The following CDKL3 variants were observed in gnomAD, a reference collection of about 807,000 sequenced individuals.
CDKL3 encodes cyclin-dependent kinase-like 3.
CDKL3 carries 65 observed loss-of-function variants against 69.3 expected under a neutral mutation model. The ratio of observed to expected loss-of-function variants is 0.94; its 90% CI spans 0.77 to 1.15. The LOEUF (loss-of-function observed/expected upper bound fraction) is 1.15. Ranked by LOEUF, CDKL3 falls within the 50% of genes most tolerant of loss-of-function variation. The pLI, the probability that CDKL3 is intolerant of heterozygous loss-of-function variation, is 0.00. For missense variants in CDKL3, 652 were observed against 689.2 expected (o/e 0.95, Z 0.61); for synonymous variants, 202 against 221.6 (o/e 0.91, Z 0.79).
At chr5:134,297,586 C>CT (rs921544838), downstream of CDKL3, among the ~76,000 whole-genome samples, 92 of 143,948 alleles carry the variant, frequency 6.4e-4, no homozygotes, top group Admixed American at 1.5e-3. Flanking sequence ...TTTTTTCTTT[C>CT]TTTTTTTTTT....
chr5:134,371,303 T>C, upstream of CDKL3: 1 of 537,618 alleles, frequency 1.9e-6, no homozygotes, highest in Non-Finnish European at 3.3e-6. Context: ...CAAATTTGTC[T>C]ATTACTTCAG....
At chr5:134,301,403 A>G (rs1238493832) in intron 12 of CDKL3, among the ~76,000 whole-genome samples, 1 of 152,214 alleles carries the variant, frequency 6.6e-6, no homozygotes, top group Non-Finnish European at 1.5e-5. Context: ...TGTCACAGTG[A>G]GAATACATCT....
intron 10 of CDKL3, among the ~76,000 whole-genome samples, 167 bp from the exon 11 acceptor site, chr5:134,304,734 T>G (rs1477564071): frequency 1.3e-5 from 2 of 151,676 alleles, no homozygotes; most frequent in East Asian, 3.9e-4. Flanking sequence ...CAGATCAAAC[T>G]CCAATAAAAG....
At chr5:134,301,467 T>TA (rs1463293645) in intron 12 of CDKL3, among the ~76,000 whole-genome samples, 1 of 152,246 alleles carries the variant, frequency 6.6e-6, no homozygotes, top group Non-Finnish European at 1.5e-5. Flanking sequence ...GTAGCCTTGT[T>TA]AAAATGCCTT....
intron 4 of CDKL3, among the ~76,000 whole-genome samples, chr5:134,324,263 T>C (rs1773537524): frequency 6.6e-6 from 1 of 152,162 alleles, no homozygotes; most frequent in African/African-American, 2.4e-5. Flanking sequence ...AATTACACAG[T>C]CACTTTGGAG....
downstream of CDKL3, among the ~76,000 whole-genome samples, chr5:134,284,557 C>T (rs976422257): frequency 6.6e-5 from 10 of 152,244 alleles, no homozygotes; most frequent in South Asian, 1.7e-3. Context: ...AGCAGACAAC[C>T]GGTCTGACTA....
At chr5:134,365,468 C>T (rs1003900711) in intron 2 of CDKL3, among the ~76,000 whole-genome samples, 3 of 152,034 alleles carry the variant, frequency 2.0e-5, no homozygotes, top group African/African-American at 4.8e-5. Context: ...TCTAACTTTA[C>T]TTTTCATTCA....
intron 2 of CDKL3, 37 bp downstream of exon 2, chr5:134,366,322 T>C (rs573283895): frequency 1.4e-6 from 2 of 1,450,552 alleles, no homozygotes; most frequent in African/African-American, 1.4e-5. Flanking sequence ...AACAATTTTT[T>C]CTTTTGACTT....
chr5:134,329,627 G>A lies in CDKL3; in HGVS notation c.540-7724C>T, dbSNP rs189486034. On this transcript the variant is annotated intron_variant, in intron 4 of 12. Transcript: ENST00000265334. ...TGGGATTACAGGCACCCGCCACTAC[G>A]CCCGGCTAATTTTTTGTATTTTTAG... is the stretch of plus-strand genomic sequence containing the variant. 8.7e-4 allele frequency among the ~76,000 whole-genome samples: 132 copies of A among 151,480 alleles called. 1 individual carries two copies. In the East Asian group the frequency reaches 0.025, roughly 28 times the overall value.
rs551741022 is a variant in CDKL3, at chr5:134,367,045, G to A, written c.-90C>T. The A allele has an allele frequency of 8.2e-5, 81 of 988,632 alleles. No homozygotes were observed. In the African/African-American group the frequency reaches 1.0e-3, roughly 13 times the overall value. 61.2% of individuals were successfully genotyped at this position (988,632 alleles called of 1,614,324 possible). On this transcript the variant is annotated 5_prime_UTR_variant, in exon 1 of 13. Coordinates refer to ENST00000265334, the MANE Select transcript of CDKL3 (RefSeq NM_001113575.2). ...CCGCCGCCGCCTCAGCCCATTCTGTGGTCCCGCTGGTCTGGCTCTGCGTAG... is the reference window on the plus strand; with the variant it reads ...CCGCCGCCGCCTCAGCCCATTCTGTAGTCCCGCTGGTCTGGCTCTGCGTAG...
intron 4 of CDKL3, among the ~76,000 whole-genome samples, chr5:134,336,878 C>T (rs1184217889): frequency 2.6e-5 from 4 of 152,180 alleles, no homozygotes; most frequent in African/African-American, 4.8e-5. Flanking sequence ...CAGGCAGGGA[C>T]GTTTAAGTCT....
intron 1 of CDKL3, 48 bp from the exon 2 acceptor site, chr5:134,366,592 T>C: frequency 8.6e-7 from 1 of 1,169,362 alleles, no homozygotes; most frequent in Non-Finnish European, 1.2e-6. Flanking sequence ...ACGTTTATAC[T>C]TTTATTTATT....
intron 4 of CDKL3, among the ~76,000 whole-genome samples, chr5:134,337,181 C>A (rs529149818): frequency 1.5e-4 from 23 of 152,304 alleles, no homozygotes; most frequent in South Asian, 8.3e-4. Flanking sequence ...ATCTCCTGGT[C>A]TGACAGTTGC....
chr5:134,341,970 C>T (rs1468054625), intron 4 of CDKL3, among the ~76,000 whole-genome samples: 1 of 152,108 alleles, frequency 6.6e-6, no homozygotes, highest in Non-Finnish European at 1.5e-5. Context: ...TTTAGGAGGC[C>T]CCTCTTTCTC....
Position 134,367,003 on chromosome 5 carries a change from TG to T in CDKL3, c.-49del, listed in dbSNP as rs1757599234. The T allele has an allele frequency of 2.0e-6, 2 of 989,584 alleles. No individual in the cohort carries two copies. Among genetic ancestry groups the T allele is most frequent in the Non-Finnish European group, 2.4e-6 (2 of 832,890 alleles). 61.3% of individuals were successfully genotyped at this position (989,584 alleles called of 1,614,324 possible). On this transcript the variant is annotated 5_prime_UTR_variant, in exon 1 of 13. An upstream open reading frame in the 5' UTR gains an earlier in-frame stop. Transcript: ENST00000265334. ...GGCGTCACGCCCCACGTCCCGCTGT[TG>T]ACTTTATCCAAACAGCCGCCGCCGC...
intron 4 of CDKL3, among the ~76,000 whole-genome samples, chr5:134,338,717 T>C (rs188608962): frequency 5.6e-4 from 84 of 149,216 alleles, no homozygotes; most frequent in Admixed American, 2.7e-3. Context: ...ACACAGATAG[T>C]AAAAAAAATT....
chr5:134,293,657 G>A (rs970958069), downstream of CDKL3, among the ~76,000 whole-genome samples: 1 of 151,656 alleles, frequency 6.6e-6, no homozygotes, highest in Non-Finnish European at 1.5e-5. Flanking sequence ...AATATTAGCT[G>A]GATATGGCGG....
chr5:134,284,070 G>A (rs1279940931), downstream of CDKL3, among the ~76,000 whole-genome samples: 2 of 152,128 alleles, frequency 1.3e-5, no homozygotes, highest in Admixed American at 6.5e-5. Flanking sequence ...GGCTTTGCAG[G>A]GTACAGCCTC....
At chr5:134,301,886 C>G (rs1766447952) in intron 12 of CDKL3, among the ~76,000 whole-genome samples, 1 of 145,388 alleles carries the variant, frequency 6.9e-6, no homozygotes, top group Non-Finnish European at 1.5e-5. Flanking sequence ...CACTCCGTCT[C>G]AAAAACAAAC....
Sources: gnomAD v4.1 joint callset for allele counts (sites outside exome capture counted in the v4.1 genomes callset) on GRCh38, gnomAD v4.1.1 for gene constraint, MANE v1.5 for transcripts, NCBI Gene and HGNC (gene_info 2026-07-23, HGNC 2026-07-21) for gene names.